The following RBFOX1 variants were observed in gnomAD, a reference collection of about 807,000 sequenced individuals.
RBFOX1 encodes RNA binding protein fox-1 homolog 1.
RBFOX1 carries 8 observed loss-of-function variants against 57.7 expected under a neutral mutation model. The ratio of observed to expected loss-of-function variants is 0.14; its 90% CI spans 0.08 to 0.25. The LOEUF is 0.25. RBFOX1 is among the 10% of genes least tolerant of loss of function. RBFOX1 has a pLI of 1.00. For synonymous variants in RBFOX1, 326 were observed against 222.4 expected, an observed-to-expected ratio of 1.47 and a Z score of -4.15; for missense variants, 611 against 548.5, an observed-to-expected ratio of 1.11 and a Z score of -1.14.
At chr16:5,481,005 A>G (rs2069521119) in intron 2 of RBFOX1, among the ~76,000 whole-genome samples, 1 of 152,238 alleles carries the variant, frequency 6.6e-6, no homozygotes, top group Non-Finnish European at 1.5e-5. Context: ...AGGTTGTAGC[A>G]ACCTACACAA....
intron 3 of RBFOX1, among the ~76,000 whole-genome samples, chr16:6,780,387 A>ATTT (rs1555461246): frequency 4.5e-5 from 3 of 67,176 alleles, no homozygotes; most frequent in East Asian, 1.4e-3. Context: ...ATTTATACAT[A>ATTT]TTATATATAT....
At position 6,019,633 on chromosome 16, in the gene RBFOX1, G is replaced by C; in HGVS notation, c.-486G>C. ...AGCCGAGCCGAGCACCCCACATCTG[G>C]AGGGGACAGCCAGCCGTGGGCCCCG... On this transcript the variant is annotated 5_prime_UTR_variant, in exon 1 of 16. Transcript: ENST00000550418. This position sits in a 1 kb window ranked among gnomAD's most constrained non-coding sequence, Gnocchi z 4.2. 1.6e-6 allele frequency: 2 copies of C among 1,287,914 alleles called. No individual in the cohort carries two copies. Among genetic ancestry groups the C allele is most frequent in the Non-Finnish European group, 2.0e-6 (2 of 1,017,366 alleles). 79.8% of individuals were successfully genotyped at this position (1,287,914 alleles called of 1,614,324 possible).
chr16:6,946,995 G>T, intron 3 of RBFOX1, among the ~76,000 whole-genome samples: 1 of 152,126 alleles, frequency 6.6e-6, no homozygotes, highest in East Asian at 1.9e-4. Flanking sequence ...CAGTTTCCTA[G>T]CCCTGTTGGG....
At chr16:7,501,201 C>A (rs1343161654) in intron 4 of RBFOX1, among the ~76,000 whole-genome samples, 2 of 152,152 alleles carry the variant, frequency 1.3e-5, no homozygotes, top group South Asian at 4.1e-4. Context: ...ATCATTTGTC[C>A]TATTTACCTA....
chr16:6,701,985 T>G (rs2061924301), intron 3 of RBFOX1, among the ~76,000 whole-genome samples: 1 of 152,128 alleles, frequency 6.6e-6, no homozygotes, highest in Non-Finnish European at 1.5e-5. Flanking sequence ...AAAAACTACC[T>G]GTTGGGTACT....
At chr16:5,502,614 T>C (rs117722301) in intron 2 of RBFOX1, among the ~76,000 whole-genome samples, 1 of 152,242 alleles carries the variant, frequency 6.6e-6, no homozygotes, top group East Asian at 1.9e-4. Context: ...TGCAATCAGG[T>C]CCAAGGCGCC....
intron 4 of RBFOX1, among the ~76,000 whole-genome samples, chr16:5,908,075 T>TATATATATACACACATATATACAC (rs1567133349): frequency 8.5e-6 from 1 of 118,240 alleles, no homozygotes; most frequent in Non-Finnish European, 1.8e-5. Context: ...TGTATGTATA[T>TATATATATACACACATATATACAC]ATATATATAT....
intron 1 of RBFOX1, among the ~76,000 whole-genome samples, chr16:6,112,396 TAAA>T (rs2096456224): frequency 6.6e-6 from 1 of 152,126 alleles, no homozygotes; most frequent in Non-Finnish European, 1.5e-5. Flanking sequence ...AAAGGTTCGT[TAAA>T]GAAGTCCGAG....
intron 3 of RBFOX1, among the ~76,000 whole-genome samples, chr16:7,030,806 G>C (rs756401737): frequency 2.0e-5 from 3 of 152,126 alleles, no homozygotes; most frequent in Admixed American, 1.3e-4. Flanking sequence ...ATAAGAGGCA[G>C]GTCCAGGACT....
intron 11 of RBFOX1, among the ~76,000 whole-genome samples, chr16:7,651,736 G>C (rs1430883438): frequency 6.6e-6 from 1 of 152,230 alleles, no homozygotes; most frequent in Non-Finnish European, 1.5e-5. Context: ...GCCTGGAAAA[G>C]GAGTTGGTTG....
At chr16:7,653,727 G>C in intron 11 of RBFOX1, 88 bp from the exon 12 acceptor site, 4 of 1,575,804 alleles carry the variant, frequency 2.5e-6, no homozygotes, top group South Asian at 1.1e-5. Flanking sequence ...CCTGTGCAGG[G>C]ACAAGGGTTC....
intron 2 of RBFOX1, among the ~76,000 whole-genome samples, chr16:6,354,563 G>A (rs899960851): frequency 8.5e-5 from 13 of 152,048 alleles, no homozygotes; most frequent in African/African-American, 1.9e-4. Flanking sequence ...CTATGATCTC[G>A]CAGGCCCCTG....
chr16:5,579,531 T>G (rs1239924378), intron 2 of RBFOX1, among the ~76,000 whole-genome samples: 1 of 152,018 alleles, frequency 6.6e-6, no homozygotes, highest in East Asian at 1.9e-4. Flanking sequence ...AGCGTGGCCT[T>G]TAAAACCCCC....
chr16:5,429,127 C>G (rs890010661), intron 1 of RBFOX1, among the ~76,000 whole-genome samples: 1 of 152,186 alleles, frequency 6.6e-6, no homozygotes, highest in Non-Finnish European at 1.5e-5. Context: ...GCCTCTCTGC[C>G]TGACTCAGCC....
intron 1 of RBFOX1, among the ~76,000 whole-genome samples, chr16:5,284,020 C>T (rs1162975732): frequency 6.6e-6 from 1 of 152,136 alleles, no homozygotes; most frequent in Non-Finnish European, 1.5e-5. Context: ...GTAATTGAGT[C>T]ATGGGGGCAT....
At chr16:7,703,625 C>T (rs1284376572) in intron 14 of RBFOX1, among the ~76,000 whole-genome samples, 2 of 152,170 alleles carry the variant, frequency 1.3e-5, no homozygotes, top group East Asian at 3.9e-4. Context: ...AACATGGGCC[C>T]ATTGTATCTC....
intron 3 of RBFOX1, among the ~76,000 whole-genome samples, chr16:6,739,010 C>A (rs1360096236): frequency 2.6e-5 from 4 of 152,010 alleles, no homozygotes; most frequent in Admixed American, 2.6e-4. Flanking sequence ...GAAATGTATA[C>A]CCCTAAATGC....
chr16:6,389,821 C>G (rs1567175703), intron 2 of RBFOX1, among the ~76,000 whole-genome samples: 1 of 152,102 alleles, frequency 6.6e-6, no homozygotes, highest in Non-Finnish European at 1.5e-5. Context: ...ACTGGTAAGG[C>G]TCAGAATAAA....
intron 2 of RBFOX1, among the ~76,000 whole-genome samples, chr16:6,593,359 C>T (rs1471009452): frequency 6.6e-6 from 1 of 152,160 alleles, no homozygotes; most frequent in Non-Finnish European, 1.5e-5. Context: ...GGGTTAAAAT[C>T]ATGCGGAATC....
Sources: gnomAD v4.1 joint callset for allele counts (sites outside exome capture counted in the v4.1 genomes callset) on GRCh38, gnomAD v4.1.1 for gene constraint, Gnocchi (gnomAD v3.1) non-coding constraint, MANE v1.5 for transcripts, NCBI Gene and HGNC (gene_info 2026-07-23, HGNC 2026-07-21) for gene names.